Variants in ADCY1 observed in about 807,000 individuals in gnomAD.
ADCY1 encodes the protein adenylate cyclase 1, also known as adenylate cyclase type 1.
Under a neutral mutation model 105.4 loss-of-function variants are expected in ADCY1, and 28 were observed. The observed-to-expected ratio is 0.27, with a 90% CI of 0.20 to 0.36. The LOEUF (loss-of-function observed/expected upper bound fraction) is 0.36. Ranked by LOEUF, ADCY1 falls within the 10% of genes least tolerant of loss-of-function variation. The pLI is 1.00. For synonymous variants in ADCY1, 655 were observed against 623.8 expected (o/e 1.05, Z -0.75); for missense variants, 977 against 1,434.2 (o/e 0.68, Z 5.15).
At chr7:45,601,573 G>A (rs1184675308) in intron 2 of ADCY1, among the ~76,000 whole-genome samples, 1 of 152,042 alleles carries the variant, frequency 6.6e-6, no homozygotes, top group African/African-American at 2.4e-5. Context: ...TCTCGATGGT[G>A]ATTTTACCTT....
intron 12 of ADCY1, 141 bp downstream of exon 12, chr7:45,685,209 C>T: frequency 1.3e-6 from 1 of 744,962 alleles, no homozygotes; most frequent in Non-Finnish European, 2.4e-6. Context: ...CCCAAGGAGC[C>T]AGGGAACAAG....
chr7:45,628,450 G>A (rs1375033207), intron 4 of ADCY1, among the ~76,000 whole-genome samples: 3 of 152,202 alleles, frequency 2.0e-5, no homozygotes. Flanking sequence ...AGCAGGGAAA[G>A]TGTTTCCCTG....
chr7:45,704,862 A>T (rs188898328), intron 17 of ADCY1, among the ~76,000 whole-genome samples: 1 of 151,716 alleles, frequency 6.6e-6, no homozygotes, highest in South Asian at 2.1e-4. Context: ...ACCTCCCCCT[A>T]GAACCCTCAC....
chr7:45,689,496 G>T (rs1212723223), intron 14 of ADCY1, among the ~76,000 whole-genome samples: 1 of 152,068 alleles, frequency 6.6e-6, no homozygotes, highest in Admixed American at 6.5e-5. Flanking sequence ...CAGGAGCAAG[G>T]GGGTGGGGGG....
chr7:45,629,766 G>A (rs535121849), intron 4 of ADCY1, among the ~76,000 whole-genome samples: 37 of 152,154 alleles, frequency 2.4e-4, no homozygotes, highest in Middle Eastern at 3.4e-3. Context: ...TGATCCACCC[G>A]CCTCGGCCTC....
chr7:45,660,219 T>G, intron 7 of ADCY1, 36 bp downstream of exon 7: 1 of 1,612,630 alleles, frequency 6.2e-7, no homozygotes, highest in Non-Finnish European at 8.5e-7. Context: ...GGTTGATCCT[T>G]AGCTTCTTGG....
Position 45,710,189 on chromosome 7 carries a change from C to A in ADCY1, c.2933-339C>A, listed in dbSNP as rs927036224. Among the ~76,000 whole-genome samples, 12 of 152,190 alleles carry A rather than the reference C, an allele frequency of 7.9e-5. No individual in the cohort carries two copies. Among genetic ancestry groups the A allele is most frequent in the Non-Finnish European group, 1.3e-4 (9 of 68,026 alleles). ...TGAAAGGCCACACTTCTGAGTGGCTCCCCTGGTAGGGCTCAGCACAGAGGC... is the reference window on the plus strand; with the variant it reads ...TGAAAGGCCACACTTCTGAGTGGCTACCCTGGTAGGGCTCAGCACAGAGGC... On this transcript the variant is annotated intron_variant, in intron 18 of 19. Transcript: ENST00000297323. This position sits in a 1 kb window ranked among gnomAD's most constrained non-coding sequence, Gnocchi z 4.7.
chr7:45,614,048 A>C (rs1793664581), intron 3 of ADCY1, among the ~76,000 whole-genome samples: 1 of 152,242 alleles, frequency 6.6e-6, no homozygotes, highest in Non-Finnish European at 1.5e-5. Flanking sequence ...GATGCAAAAC[A>C]ACAACACAAT....
chr7:45,662,421 T>C (rs1206095205), intron 8 of ADCY1, among the ~76,000 whole-genome samples: 1 of 152,244 alleles, frequency 6.6e-6, no homozygotes, highest in Non-Finnish European at 1.5e-5. Flanking sequence ...TGGCATTCTT[T>C]GTATTTGTCC....
chr7:45,625,191 GTATGGGCGGGGGC>G (rs1794017378), intron 4 of ADCY1, among the ~76,000 whole-genome samples: 2 of 152,206 alleles, frequency 1.3e-5, no homozygotes, highest in Admixed American at 1.3e-4. Context: ...TGTCCAGGGT[GTATGGGCGGGGGC>G]TCTGGGCCTG....
intron 14 of ADCY1, among the ~76,000 whole-genome samples, chr7:45,700,060 CCA>C (rs1784968054): frequency 1.3e-5 from 2 of 152,268 alleles, no homozygotes; most frequent in Admixed American, 6.5e-5. Flanking sequence ...GACTTCTACC[CCA>C]GAGCCCTGCA....
intron 4 of ADCY1, among the ~76,000 whole-genome samples, chr7:45,623,024 A>G (rs1047468120): frequency 2.6e-5 from 4 of 152,212 alleles, no homozygotes; most frequent in Non-Finnish European, 5.9e-5. Context: ...TGTGCAGGCC[A>G]TACGTAGGTA....
chr7:45,588,598 G>A (rs1388535130), intron 1 of ADCY1, among the ~76,000 whole-genome samples: 1 of 151,794 alleles, frequency 6.6e-6, no homozygotes, highest in Admixed American at 6.6e-5. Context: ...GTGAGGGGCT[G>A]GCCCTGGTGA....
chr7:45,702,180 A>T (rs1452325897), intron 14 of ADCY1, among the ~76,000 whole-genome samples: 2 of 152,234 alleles, frequency 1.3e-5, no homozygotes, highest in African/African-American at 4.8e-5. Context: ...ATTCGTGGCC[A>T]GCTCAGCTCT....
chr7:45,699,607 G>T (rs571445570), intron 14 of ADCY1, among the ~76,000 whole-genome samples: 11 of 152,222 alleles, frequency 7.2e-5, no homozygotes, highest in South Asian at 2.1e-4. Context: ...CTCTGCTGGG[G>T]GACGGGAGGG....
chr7:45,678,776 A>G (rs1191658208), intron 10 of ADCY1, among the ~76,000 whole-genome samples: 1 of 151,600 alleles, frequency 6.6e-6, no homozygotes, highest in East Asian at 1.9e-4. Flanking sequence ...AGTCCCAGCT[A>G]CTCAGGAAGC....
intron 4 of ADCY1, among the ~76,000 whole-genome samples, chr7:45,636,380 G>A (rs1794398507): frequency 6.6e-6 from 1 of 152,162 alleles, no homozygotes; most frequent in Non-Finnish European, 1.5e-5. Context: ...ATTGTTTGGG[G>A]AATAATGACA....
At chr7:45,666,858 T>G (rs1784270209) in intron 8 of ADCY1, among the ~76,000 whole-genome samples, 2 of 152,204 alleles carry the variant, frequency 1.3e-5, no homozygotes, top group Non-Finnish European at 2.9e-5. Context: ...TGGTTTTGAT[T>G]TGCATTTCTC....
chr7:45,678,130 C>T (rs373943153), intron 9 of ADCY1, 36 bp from the exon 10 acceptor site: 2 of 1,613,852 alleles, frequency 1.2e-6, no homozygotes, highest in Admixed American at 1.7e-5. Context: ...TGGAGGAAGC[C>T]CTCAGCCCTG....
Sources: allele counts gnomAD v4.1 joint callset (sites outside exome capture counted in the v4.1 genomes callset), GRCh38; gene constraint gnomAD v4.1.1; non-coding constraint Gnocchi (gnomAD v3.1); transcripts MANE v1.5; gene names NCBI Gene and HGNC (gene_info 2026-07-23, HGNC 2026-07-21).